The following TTC27 variants were observed in gnomAD, a reference collection of about 807,000 sequenced individuals.
TTC27 encodes tetratricopeptide repeat protein 27.
Under a neutral mutation model 115.9 loss-of-function variants are expected in TTC27, and 79 were observed. That is an observed-to-expected ratio of 0.68 (90% CI 0.57 to 0.82). TTC27 has a LOEUF of 0.82. Among genes scored for constraint, TTC27 ranks in the 40% least tolerant of loss-of-function variants. The pLI is 0.00. For synonymous variants in TTC27, 401 were observed against 356.0 expected, an observed-to-expected ratio of 1.13 and a Z score of -1.42; for missense variants, 1,054 against 993.1, an observed-to-expected ratio of 1.06 and a Z score of -0.82.
At chr2:32,730,666 G>A (rs1481707479) in intron 10 of TTC27, among the ~76,000 whole-genome samples, 2 of 150,230 alleles carry the variant, frequency 1.3e-5, no homozygotes, top group Non-Finnish European at 2.9e-5. Flanking sequence ...CTGTCACCCA[G>A]GCTGGAGTGC....
intron 16 of TTC27, among the ~76,000 whole-genome samples, chr2:32,797,211 T>C (rs1388247451): frequency 6.7e-6 from 1 of 150,270 alleles, no homozygotes; most frequent in Non-Finnish European, 1.5e-5. Context: ...TCTCACACTG[T>C]CGAACAGGCT....
At chr2:32,705,558 A>G (rs1355313597) in intron 10 of TTC27, among the ~76,000 whole-genome samples, 3 of 151,972 alleles carry the variant, frequency 2.0e-5, no homozygotes, top group Non-Finnish European at 4.4e-5. Flanking sequence ...TTATTCATTT[A>G]TTTCTTCTTA....
chr2:32,777,767 A>G, intron 13 of TTC27, 115 bp from the exon 14 acceptor site: 1 of 895,718 alleles, frequency 1.1e-6, no homozygotes, highest in Non-Finnish European at 1.7e-6. Flanking sequence ...TATTTATTAT[A>G]TAGCTCTGCA....
rs771563832 is a variant in TTC27 at position 32,803,493 on chromosome 2, A to G, written c.1999-7531A>G. Among the ~76,000 whole-genome samples the G allele has an allele frequency of 7.0e-4, 107 of 152,234 alleles. 2 individuals are homozygous for G. The highest frequency in any genetic ancestry group is 1.2e-3 in the South Asian group (6 of 4,820). On this transcript the variant is annotated intron_variant, in intron 16 of 19. Transcript: ENST00000317907. ...TTAGCACCTAGCACTTTTCCACCTG[A>G]GCTGTGTTCTCCACCATATTAGGAT...
intron 14 of TTC27, 92 bp from the exon 15 acceptor site, chr2:32,782,534 A>G: frequency 9.4e-7 from 1 of 1,064,970 alleles, no homozygotes; most frequent in Non-Finnish European, 1.4e-6. Flanking sequence ...AAGAGCATAT[A>G]TTGGACTAGG....
intron 8 of TTC27, among the ~76,000 whole-genome samples, chr2:32,676,830 A>G (rs1034905808): frequency 1.3e-5 from 2 of 151,780 alleles, no homozygotes; most frequent in Non-Finnish European, 2.9e-5. Flanking sequence ...ATACATTTAT[A>G]TGCCCTTTAA....
intron 10 of TTC27, among the ~76,000 whole-genome samples, chr2:32,716,997 A>G (rs1366870215): frequency 1.7e-5 from 2 of 116,186 alleles, no homozygotes; most frequent in East Asian, 2.5e-4. Context: ...CCTGGCTCAG[A>G]TTTTTTTTTA....
intron 1 of TTC27, among the ~76,000 whole-genome samples, chr2:32,629,970 A>T (rs576083548): frequency 6.6e-6 from 1 of 152,258 alleles, no homozygotes; most frequent in Admixed American, 6.5e-5. Flanking sequence ...GGCCTGGAAA[A>T]CTTTCCTAGA....
chr2:32,790,110 A>G (rs183562211), intron 16 of TTC27, among the ~76,000 whole-genome samples: 4 of 151,834 alleles, frequency 2.6e-5, no homozygotes, highest in African/African-American at 9.6e-5. Context: ...TCTTAAGTAG[A>G]TTTTTTCAAA....
rs540290858 is a variant in TTC27 at position 32,728,198 on chromosome 2, G to A, written c.1234-5630G>A. Among the ~76,000 whole-genome samples the A allele has an allele frequency of 4.1e-3, 626 of 152,020 alleles. 14 individuals carry two copies. The highest frequency in any genetic ancestry group is 1.8e-3 in the Non-Finnish European group (123 of 67,992). On this transcript the variant is annotated intron_variant, in intron 10 of 19. Coordinates refer to ENST00000317907, the MANE Select transcript of TTC27 (RefSeq NM_017735.5). ...TGGGACTGCAGGTGCCCACCACCAC[G>A]CCCGGCTAATTTTTTTGTATTTTTA...
chr2:32,632,970 C>T (rs1276823080), intron 2 of TTC27, among the ~76,000 whole-genome samples: 1 of 152,182 alleles, frequency 6.6e-6, no homozygotes, highest in African/African-American at 2.4e-5. Context: ...GTTTGCCTAT[C>T]CCTGTCTCAC....
chr2:32,815,265 C>T (rs1378295884), intron 18 of TTC27, among the ~76,000 whole-genome samples: 8 of 88,942 alleles, frequency 9.0e-5, no homozygotes, highest in Admixed American at 1.8e-4. Flanking sequence ...GAGACGGAGT[C>T]TTGCTCTGTC....
intron 18 of TTC27, among the ~76,000 whole-genome samples, chr2:32,815,096 T>A (rs1257920889): frequency 6.6e-6 from 1 of 152,162 alleles, no homozygotes; most frequent in Admixed American, 6.5e-5. Context: ...ATTTATAGTT[T>A]CTGCTATTTG....
chr2:32,725,015 A>G (rs1436874566), intron 10 of TTC27, among the ~76,000 whole-genome samples: 1 of 152,130 alleles, frequency 6.6e-6, no homozygotes, highest in Non-Finnish European at 1.5e-5. Flanking sequence ...TCTTTATAAA[A>G]CCACCAGATC....
At chr2:32,770,519 A>G (rs1669791035) in intron 13 of TTC27, among the ~76,000 whole-genome samples, 1 of 152,204 alleles carries the variant, frequency 6.6e-6, no homozygotes, top group Non-Finnish European at 1.5e-5. Context: ...GTCAGGTTTG[A>G]ACTTTTTTCA....
chr2:32,671,293 A>T (rs148591862), intron 7 of TTC27, among the ~76,000 whole-genome samples: 3 of 150,998 alleles, frequency 2.0e-5, no homozygotes, highest in African/African-American at 2.4e-5. Flanking sequence ...GTGAAGGGTC[A>T]TTTTTTTTTC....
chr2:32,644,270 T>C (rs1405517900), intron 4 of TTC27, among the ~76,000 whole-genome samples: 1 of 150,700 alleles, frequency 6.6e-6, no homozygotes, highest in Non-Finnish European at 1.5e-5. Flanking sequence ...GAATATTGCT[T>C]GAACATGGAA....
At chr2:32,650,072 T>C in intron 4 of TTC27, 59 bp from the exon 5 acceptor site, 1 of 1,387,882 alleles carries the variant, frequency 7.2e-7, no homozygotes, top group South Asian at 1.2e-5. Context: ...TCTCAGTTAA[T>C]GTAAAAAGAG....
chr2:32,779,960 A>T, intron 14 of TTC27: 1 of 304,944 alleles, frequency 3.3e-6, no homozygotes, highest in South Asian at 3.2e-5. Context: ...TGTAAATGTA[A>T]GTGGTCAAAA....
Sources: allele counts gnomAD v4.1 joint callset (sites outside exome capture counted in the v4.1 genomes callset), GRCh38; gene constraint gnomAD v4.1.1; transcripts MANE v1.5; gene names NCBI Gene and HGNC (gene_info 2026-07-23, HGNC 2026-07-21).